Variants in CEP112 observed in about 807,000 individuals in gnomAD.
The protein encoded by CEP112 is centrosomal protein of 112 kDa.
A neutral mutation model predicts 153.0 loss-of-function variants in CEP112; 127 were observed. The observed-to-expected ratio is 0.83, with a 90% CI of 0.72 to 0.96. CEP112 has a LOEUF of 0.96. CEP112 is among the 40% of genes least tolerant of loss of function. The probability of loss-of-function intolerance (pLI) is 0.00; values close to 1 mark genes in which losing one functional copy is unlikely to be tolerated. For synonymous variants in CEP112, 358 were observed against 374.4 expected, an observed-to-expected ratio of 0.96 and a Z score of 0.51; for missense variants, 1,089 against 1,101.2, an observed-to-expected ratio of 0.99 and a Z score of 0.16.
chr17:65,698,670 C>T (rs1432445155), intron 23 of CEP112, among the ~76,000 whole-genome samples: 1 of 152,076 alleles, frequency 6.6e-6, no homozygotes, highest in African/African-American at 2.4e-5. Context: ...AGCACATTCC[C>T]CCGCTTCGTG....
chr17:66,157,226 A>T (rs1755150824), intron 4 of CEP112, among the ~76,000 whole-genome samples: 1 of 152,222 alleles, frequency 6.6e-6, no homozygotes, highest in African/African-American at 2.4e-5. Flanking sequence ...CCAATATTCA[A>T]CATTCTTAAA....
At chr17:65,773,494 G>A (rs1031556507) in intron 21 of CEP112, among the ~76,000 whole-genome samples, 4 of 152,074 alleles carry the variant, frequency 2.6e-5, no homozygotes, top group Non-Finnish European at 2.9e-5. Context: ...CTGTAAATCT[G>A]TTAAAAATCA....
intron 24 of CEP112, chr17:65,644,250 T>C (rs913697297): frequency 1.6e-6 from 1 of 617,684 alleles, no homozygotes; most frequent in Admixed American, 2.6e-5. Context: ...GTTTCTTACA[T>C]CCTTATCTGT....
At chr17:65,998,298 G>A (rs1177426874) in intron 17 of CEP112, among the ~76,000 whole-genome samples, 2 of 142,400 alleles carry the variant, frequency 1.4e-5, no homozygotes, top group Non-Finnish European at 1.5e-5. Flanking sequence ...TGGGAGGATC[G>A]CTTGAGCTTG....
chr17:65,672,061 A>C (rs1270548275), intron 24 of CEP112, among the ~76,000 whole-genome samples: 1 of 152,226 alleles, frequency 6.6e-6, no homozygotes. Context: ...AAATCAACTG[A>C]AAGATCATTA....
intron 24 of CEP112, among the ~76,000 whole-genome samples, chr17:65,676,104 G>T (rs530246734): frequency 1.8e-4 from 27 of 152,254 alleles, no homozygotes; most frequent in African/African-American, 6.0e-4. Flanking sequence ...GGGAAGCCAG[G>T]GGTGGGCAGA....
chr17:66,009,849 GT>G (rs574003414), intron 16 of CEP112, among the ~76,000 whole-genome samples: 10 of 152,144 alleles, frequency 6.6e-5, no homozygotes, highest in Non-Finnish European at 1.3e-4. Flanking sequence ...GTACCATGCT[GT>G]TTTGCTTACA....
intron 17 of CEP112, among the ~76,000 whole-genome samples, chr17:66,001,425 C>T (rs543943557): frequency 6.6e-6 from 1 of 152,250 alleles, no homozygotes; most frequent in Admixed American, 6.5e-5. Context: ...TAGTGAACTA[C>T]TACTGTACAT....
intron 4 of CEP112, among the ~76,000 whole-genome samples, chr17:66,169,178 T>C (rs2146824080): frequency 6.6e-6 from 1 of 152,200 alleles, no homozygotes; most frequent in South Asian, 2.1e-4. Flanking sequence ...ATGGATTATC[T>C]GTAATTTAGA....
chr17:66,122,738 T>C (rs1250863090), intron 6 of CEP112, among the ~76,000 whole-genome samples: 2 of 152,214 alleles, frequency 1.3e-5, no homozygotes, highest in East Asian at 1.9e-4. Context: ...AATTGCTCCA[T>C]AGGCTGATCC....
In CEP112 at chr17:66,075,534, A is replaced by G. The variant is rs181419109; in HGVS notation, c.769-5533T>C. Among the ~76,000 whole-genome samples the G allele has an allele frequency of 3.9e-3, 591 of 152,308 alleles. 2 individuals carry two copies. The highest frequency in any genetic ancestry group is 0.013 in the African/African-American group (546 of 41,572). ...GGAGCAACAGAGTAGTGAAAAATAA[A>G]AAAAGGGGGTACCAGTGGAAACGAA... On this transcript the variant is annotated intron_variant, in intron 8 of 26. Coordinates refer to ENST00000535342, the MANE Select transcript of CEP112 (RefSeq NM_001199165.4).
chr17:66,105,332 T>C (rs2068738327), intron 6 of CEP112, among the ~76,000 whole-genome samples: 12 of 151,796 alleles, frequency 7.9e-5, no homozygotes, highest in Admixed American at 7.9e-4. Flanking sequence ...CGTGAGTAAA[T>C]GGCTTTCACT....
chr17:65,716,064 C>T (rs1352266683), intron 23 of CEP112, among the ~76,000 whole-genome samples: 3 of 152,068 alleles, frequency 2.0e-5, no homozygotes. Context: ...GTACTTATAC[C>T]AAACCGAGCA....
intron 23 of CEP112, among the ~76,000 whole-genome samples, chr17:65,729,264 G>A (rs12951314): frequency 6.6e-6 from 1 of 152,118 alleles, no homozygotes; most frequent in Admixed American, 6.5e-5. Flanking sequence ...TAGGTGGTAA[G>A]GTTTTCTCAT....
chr17:65,929,600 C>A (rs1190340321), intron 18 of CEP112, among the ~76,000 whole-genome samples: 1 of 151,912 alleles, frequency 6.6e-6, no homozygotes, highest in Non-Finnish European at 1.5e-5. Flanking sequence ...ATATCACCTT[C>A]AGATTCACTA....
At chr17:65,733,596 C>T (rs1228575827) in intron 23 of CEP112, among the ~76,000 whole-genome samples, 7 of 152,164 alleles carry the variant, frequency 4.6e-5, no homozygotes, top group Admixed American at 1.3e-4. Flanking sequence ...AAATATATGA[C>T]GGTTACCACA....
At chr17:66,013,087 C>T (rs1022423326) in intron 16 of CEP112, among the ~76,000 whole-genome samples, 4 of 151,342 alleles carry the variant, frequency 2.6e-5, no homozygotes, top group African/African-American at 7.3e-5. Flanking sequence ...TTTGGTTCTT[C>T]GTTAAAATGG....
At chr17:65,639,815 C>T (rs1010231055) in intron 25 of CEP112, among the ~76,000 whole-genome samples, 13 of 144,686 alleles carry the variant, frequency 9.0e-5, no homozygotes, top group Non-Finnish European at 1.7e-4. Flanking sequence ...CATCACATTT[C>T]TTTTTTTTCT....
At chr17:66,012,745 G>A (rs2064589716) in intron 16 of CEP112, among the ~76,000 whole-genome samples, 1 of 152,128 alleles carries the variant, frequency 6.6e-6, no homozygotes, top group African/African-American at 2.4e-5. Context: ...AAGGTTCTCT[G>A]CATTTCCTGA....
Sources: gnomAD v4.1 joint callset for allele counts (sites outside exome capture counted in the v4.1 genomes callset) on GRCh38, gnomAD v4.1.1 for gene constraint, MANE v1.5 for transcripts, NCBI Gene and HGNC (gene_info 2026-07-23, HGNC 2026-07-21) for gene names.